Variants in BRSK2 observed in about 807,000 individuals in gnomAD.
BRSK2 encodes the protein serine/threonine-protein kinase BRSK2.
BRSK2 carries 19 observed loss-of-function variants against 83.3 expected under a neutral mutation model. The observed-to-expected ratio is 0.23, with a 90% CI of 0.16 to 0.33. BRSK2 has a LOEUF of 0.33. Among genes scored for constraint, BRSK2 ranks in the 10% least tolerant of loss-of-function variants. The pLI, the probability that BRSK2 is intolerant of heterozygous loss-of-function variation, is 1.00. For missense variants in BRSK2, 798 were observed against 1,042.3 expected, an observed-to-expected ratio of 0.77 and a Z score of 3.23; for synonymous variants, 519 against 435.4, an observed-to-expected ratio of 1.19 and a Z score of -2.39.
intron 1 of BRSK2, among the ~76,000 whole-genome samples, chr11:1,408,618 A>T (rs1334898391): frequency 6.6e-6 from 1 of 152,018 alleles, no homozygotes; most frequent in Non-Finnish European, 1.5e-5. Flanking sequence ...TTCATCGCAG[A>T]CCCTCAACCT....
chr11:1,433,363 C>T (rs1260336179), intron 1 of BRSK2, among the ~76,000 whole-genome samples: 1 of 152,224 alleles, frequency 6.6e-6, no homozygotes, highest in Non-Finnish European at 1.5e-5. Context: ...GGGTGTGGGC[C>T]CTTCATCCTT....
intron 1 of BRSK2, among the ~76,000 whole-genome samples, chr11:1,427,578 C>G (rs1849390641): frequency 6.6e-6 from 1 of 152,218 alleles, no homozygotes; most frequent in African/African-American, 2.4e-5. Flanking sequence ...TGGGCACCCG[C>G]CGGCACACGC....
intron 1 of BRSK2, among the ~76,000 whole-genome samples, chr11:1,407,143 C>A (rs535158580): frequency 5.3e-4 from 80 of 152,272 alleles, no homozygotes; most frequent in African/African-American, 1.8e-3. Context: ...GCGGAGGGAG[C>A]TGCAGGCCCT....
At chr11:1,402,478 G>C (rs1846545193) in intron 1 of BRSK2, among the ~76,000 whole-genome samples, 1 of 152,218 alleles carries the variant, frequency 6.6e-6, no homozygotes. Context: ...CGCCTCCGGG[G>C]AGGAGCATTG....
intron 19 of BRSK2, among the ~76,000 whole-genome samples, chr11:1,460,010 A>G (rs1278549341): frequency 6.6e-6 from 1 of 151,206 alleles, no homozygotes; most frequent in Admixed American, 6.6e-5. Context: ...GCGAGGCTTC[A>G]GAGCTCCCAG....
intron 1 of BRSK2, among the ~76,000 whole-genome samples, chr11:1,433,215 T>TG (rs1197913453): frequency 6.6e-6 from 1 of 152,244 alleles, no homozygotes; most frequent in Non-Finnish European, 1.5e-5. Flanking sequence ...CCCTCCTGTT[T>TG]GGGGCCATCT....
At chr11:1,444,949 C>T (rs200274355) in intron 8 of BRSK2, 22 bp from the exon 9 acceptor site, 100 of 1,610,962 alleles carry the variant, frequency 6.2e-5, no homozygotes, top group Admixed American at 4.5e-4. Context: ...CGTACTAACT[C>T]CCTGTTTCTC....
At chr11:1,435,791 G>A (rs796106020) in intron 1 of BRSK2, among the ~76,000 whole-genome samples, 9 of 151,940 alleles carry the variant, frequency 5.9e-5, no homozygotes, top group African/African-American at 2.2e-4. Context: ...GAGGGCGAGG[G>A]GGGCCACAGA....
At chr11:1,455,062 G>A (rs1167165811) in intron 16 of BRSK2, among the ~76,000 whole-genome samples, 1 of 152,164 alleles carries the variant, frequency 6.6e-6, no homozygotes, top group Non-Finnish European at 1.5e-5. Flanking sequence ...AGTTTCCCTG[G>A]TCTCACCCTG....
At position 1,461,255 on chromosome 11, in the gene BRSK2, C is replaced by T. The variant is rs1847467027; in HGVS notation, c.*532C>T. On this transcript the variant is annotated 3_prime_UTR_variant, in exon 20 of 20. Transcript: ENST00000528841. ...CCTGGTGGCCTTCTGGGGCCAGGAC[C>T]CCTGGTGGGCAACGTAGCCACAGGA... 3 of 564,110 alleles carry T rather than the reference C, an allele frequency of 5.3e-6. No homozygotes were observed. The highest frequency in any genetic ancestry group is 4.0e-5 in the African/African-American group (2 of 50,494). The allele number at this position is 564,110 out of a possible 1,614,324, so 34.9% of individuals were successfully genotyped here. A position where few individuals can be genotyped will look rare whatever the true frequency, so the allele number is the denominator to read the frequency against.
intron 1 of BRSK2, among the ~76,000 whole-genome samples, chr11:1,396,202 ACG>A (rs1846085192): frequency 9.9e-6 from 1 of 101,468 alleles, no homozygotes; most frequent in Non-Finnish European, 2.0e-5. Flanking sequence ...CCTTCCACCC[ACG>A]TCCCCCACTC....
intron 12 of BRSK2, chr11:1,447,820 C>G: frequency 6.3e-7 from 1 of 1,597,568 alleles, no homozygotes; most frequent in Admixed American, 1.7e-5. Flanking sequence ...CAGTAAAAGC[C>G]TGGATATCGC....
intron 1 of BRSK2, among the ~76,000 whole-genome samples, chr11:1,400,245 C>T (rs1846388004): frequency 6.6e-6 from 1 of 152,180 alleles, no homozygotes. Context: ...TCTCCCGCCC[C>T]CTCCATGGCT....
chr11:1,400,370 G>A (rs1307550924), intron 1 of BRSK2, among the ~76,000 whole-genome samples: 1 of 152,222 alleles, frequency 6.6e-6, no homozygotes, highest in African/African-American at 2.4e-5. Flanking sequence ...CTGGTTGGGG[G>A]ACCCCACTTG....
At chr11:1,420,986 G>C (rs1848585836) in intron 1 of BRSK2, among the ~76,000 whole-genome samples, 1 of 152,174 alleles carries the variant, frequency 6.6e-6, no homozygotes, top group Non-Finnish European at 1.5e-5. Context: ...GCCTGACTGG[G>C]GCCTCCCACC....
intron 4 of BRSK2, among the ~76,000 whole-genome samples, chr11:1,441,281 C>G (rs1195655197): frequency 1.6e-5 from 1 of 61,590 alleles, no homozygotes; most frequent in African/African-American, 5.9e-5. Context: ...ACCCTCCCCC[C>G]CATTAGCTGC....
In BRSK2 at chr11:1,454,630, G is replaced by C. The variant is rs1204722243; in HGVS notation, c.1668+22G>C. The C allele has an allele frequency of 2.5e-6, 4 of 1,611,576 alleles. No homozygotes were observed. The highest frequency in any genetic ancestry group is 2.7e-5 in the African/African-American group (2 of 75,038). ...GTCGGTGAGGCCACAGGGCGCTGGG[G>C]GAGGCGGGCAGCCCTCCCAACCCCA... On this transcript the variant is annotated intron_variant, in intron 16 of 19. Transcript: ENST00000528841. This position sits in a 1 kb window ranked among gnomAD's most constrained non-coding sequence, Gnocchi z 5.2.
chr11:1,412,666 G>T (rs1554856), intron 1 of BRSK2, among the ~76,000 whole-genome samples: 107,545 of 152,098 alleles, frequency 0.71, 38,562 homozygotes, highest in Non-Finnish European at 0.76. Context: ...GAGCTGAGGT[G>T]TCTGTGGGAA....
rs539814534 is a variant in BRSK2 at position 1,456,775 on chromosome 11, G to C, written c.1939+88G>C. The C allele has an allele frequency of 4.1e-5, 58 of 1,409,258 alleles. No individual in the cohort carries two copies. In the South Asian group the frequency reaches 5.6e-4, roughly 14 times the overall value. 87.3% of individuals were successfully genotyped at this position (1,409,258 alleles called of 1,614,324 possible). On this transcript the variant is annotated intron_variant, in intron 18 of 19. Transcript: ENST00000528841. ...GCGCGGACGGGAGGCGTGAGGACCC[G>C]GGCGCAGCCTCCTGGCCCCTCTTGA...
Sources: gnomAD v4.1 joint callset for allele counts (sites outside exome capture counted in the v4.1 genomes callset) on GRCh38, gnomAD v4.1.1 for gene constraint, Gnocchi (gnomAD v3.1) non-coding constraint, MANE v1.5 for transcripts, NCBI Gene and HGNC (gene_info 2026-07-23, HGNC 2026-07-21) for gene names.